The following TRIO variants were observed in gnomAD, a reference collection of about 807,000 sequenced individuals.
The protein encoded by TRIO is trio Rho guanine nucleotide exchange factor.
In TRIO, 58 loss-of-function variants were observed where a neutral mutation model predicts 351.9. That is an observed-to-expected ratio of 0.16 (90% confidence interval 0.13 to 0.21). The LOEUF is 0.21. Among genes scored for constraint, TRIO ranks in the 10% least tolerant of loss-of-function variants. The probability of loss-of-function intolerance (pLI) is 1.00; values close to 1 mark genes in which losing one functional copy is unlikely to be tolerated. For synonymous variants in TRIO, 1,758 were observed against 1,595.7 expected (o/e 1.10, Z -2.42); for missense variants, 3,201 against 4,027.8 (o/e 0.79, Z 5.56).
intron 1 of TRIO, among the ~76,000 whole-genome samples, chr5:14,164,973 C>T (rs1024184016): frequency 1.3e-5 from 2 of 152,202 alleles, no homozygotes; most frequent in Non-Finnish European, 2.9e-5. Flanking sequence ...TGGCCCTTGC[C>T]AGGTGGTCCT....
At chr5:14,235,504 G>A (rs1297631508) in intron 1 of TRIO, among the ~76,000 whole-genome samples, 1 of 152,166 alleles carries the variant, frequency 6.6e-6, no homozygotes, top group Non-Finnish European at 1.5e-5. Context: ...TACAGGATGG[G>A]TTTAGGCATG....
At chr5:14,439,833 C>CAGTTGGTGAGAG (rs1561492587) in intron 34 of TRIO, among the ~76,000 whole-genome samples, 4 of 152,084 alleles carry the variant, frequency 2.6e-5, no homozygotes, top group Non-Finnish European at 4.4e-5. Flanking sequence ...CTCCCCTCTG[C>CAGTTGGTGAGAG]AGCAGTTGGT....
At chr5:14,219,646 G>A (rs770646181) in intron 1 of TRIO, among the ~76,000 whole-genome samples, 1 of 152,130 alleles carries the variant, frequency 6.6e-6, no homozygotes, top group African/African-American at 2.4e-5. Context: ...CTGTGATGAG[G>A]AATCACCTGC....
rs1747840828 is a variant in TRIO, at chr5:14,398,911, A to G, written c.4455A>G (p.Glu1485=). 5.0e-6 allele frequency: 8 copies of G among 1,614,126 alleles called. No homozygotes were observed. Among genetic ancestry groups the G allele is most frequent in the Non-Finnish European group, 6.8e-6 (8 of 1,180,012 alleles). ...ATGAAAACATTGAGTCTCAGGGAGA[A>G]CTCATCCTACAGGAATCCTTCCAAG... is the stretch of plus-strand genomic sequence containing the variant. ...GFDENIESQG[E]LILQESFQVW... is the part of the protein sequence containing the mutation. The change falls in exon 30 of 57, where the codon GAA becomes GAG. Residue 1485 remains glutamate (E), a synonymous_variant. Coordinates refer to ENST00000344204, the MANE Select transcript of TRIO (RefSeq NM_007118.4).
At chr5:14,422,569 G>A (rs757596118) in intron 34 of TRIO, among the ~76,000 whole-genome samples, 2 of 152,214 alleles carry the variant, frequency 1.3e-5, no homozygotes, top group Non-Finnish European at 2.9e-5. Flanking sequence ...GAAGGGTCCA[G>A]GATCATGATG....
chr5:14,393,061 A>G (rs868844087), intron 27 of TRIO, among the ~76,000 whole-genome samples: 5,727 of 151,476 alleles, frequency 0.038, 352 homozygotes, highest in African/African-American at 0.13. Context: ...AGAAAGAAAA[A>G]AAAAAAAAAA....
At chr5:14,352,352 A>G (rs1743212558) in intron 11 of TRIO, among the ~76,000 whole-genome samples, 1 of 152,206 alleles carries the variant, frequency 6.6e-6, no homozygotes, top group South Asian at 2.1e-4. Context: ...GTGAACTTCC[A>G]TAGGACACAA....
At chr5:14,472,501 C>G in intron 38 of TRIO, 91 bp from the exon 39 acceptor site, 1 of 1,353,898 alleles carries the variant, frequency 7.4e-7, no homozygotes, top group South Asian at 1.2e-5. Context: ...CTATTCAGTC[C>G]TGGAAGGAGT....
chr5:14,374,390 C>A, intron 19 of TRIO, 47 bp downstream of exon 19: 1 of 1,478,482 alleles, frequency 6.8e-7, no homozygotes, highest in Non-Finnish European at 9.3e-7. Context: ...GCATGCCTGG[C>A]AAGAGACAAA....
intron 33 of TRIO, among the ~76,000 whole-genome samples, chr5:14,409,339 G>T (rs1013150659): frequency 4.8e-5 from 7 of 146,424 alleles, no homozygotes; most frequent in African/African-American, 1.8e-4. Context: ...TCCAACGAAA[G>T]AGGAAGAATA....
chr5:14,263,347 C>T (rs1259982296), intron 1 of TRIO, among the ~76,000 whole-genome samples: 1 of 152,020 alleles, frequency 6.6e-6, no homozygotes, highest in Non-Finnish European at 1.5e-5. Flanking sequence ...TTGAGAGCCC[C>T]TCTGGCCCCA....
chr5:14,452,661 G>A (rs1579695381), intron 34 of TRIO, among the ~76,000 whole-genome samples: 1 of 152,236 alleles, frequency 6.6e-6, no homozygotes, highest in East Asian at 1.9e-4. Flanking sequence ...ATGCTGGTGA[G>A]ACTGAGAAAT....
At chr5:14,226,316 T>A (rs1793026475) in intron 1 of TRIO, among the ~76,000 whole-genome samples, 1 of 152,154 alleles carries the variant, frequency 6.6e-6, no homozygotes, top group Non-Finnish European at 1.5e-5. Flanking sequence ...CTTTTTTCTG[T>A]AGAACCCCAC....
intron 40 of TRIO, 34 bp from the exon 41 acceptor site, chr5:14,476,860 G>A: frequency 6.4e-7 from 1 of 1,569,862 alleles, no homozygotes; most frequent in Non-Finnish European, 8.7e-7. Context: ...GGCCACACTG[G>A]AAATAGTTCT....
At chr5:14,492,929 A>G (rs1756598065) in intron 49 of TRIO, 115 bp downstream of exon 49, 3 of 1,464,608 alleles carry the variant, frequency 2.0e-6, no homozygotes, top group Non-Finnish European at 1.8e-6. Flanking sequence ...CTGCGCTGGT[A>G]TGTTAGAACA....
intron 10 of TRIO, among the ~76,000 whole-genome samples, chr5:14,331,681 C>T (rs947059015): frequency 6.6e-6 from 1 of 152,100 alleles, no homozygotes; most frequent in Non-Finnish European, 1.5e-5. Flanking sequence ...TGCAGGGGCC[C>T]TGGGTTTCAG....
chr5:14,446,345 C>G (rs1752438670), intron 34 of TRIO, among the ~76,000 whole-genome samples: 1 of 152,240 alleles, frequency 6.6e-6, no homozygotes, highest in African/African-American at 2.4e-5. Flanking sequence ...AAAGCAGTTG[C>G]TCCAGCCCTC....
At chr5:14,493,273 T>C (rs1040328730) in intron 49 of TRIO, among the ~76,000 whole-genome samples, 1 of 150,224 alleles carries the variant, frequency 6.7e-6, no homozygotes, top group African/African-American at 2.5e-5. Context: ...CAGGTTGTTT[T>C]GTGCTTTGCT....
chr5:14,253,447 C>T (rs1487270352), intron 1 of TRIO, among the ~76,000 whole-genome samples: 1 of 152,194 alleles, frequency 6.6e-6, no homozygotes, highest in East Asian at 1.9e-4. Flanking sequence ...CCTCTGCCTC[C>T]TGGGCTCAAG....
Sources: allele counts gnomAD v4.1 joint callset (sites outside exome capture counted in the v4.1 genomes callset), GRCh38; gene constraint gnomAD v4.1.1; transcripts MANE v1.5; gene names NCBI Gene and HGNC (gene_info 2026-07-23, HGNC 2026-07-21).